The following KIAA2012 variants were observed in gnomAD, a reference collection of about 807,000 sequenced individuals.
KIAA2012 encodes KIAA2012, also known as uncharacterized protein KIAA2012.
Under a neutral mutation model 150.6 loss-of-function variants are expected in KIAA2012, and 125 were observed. The observed-to-expected ratio is 0.83, with a 90% CI of 0.72 to 0.96. The LOEUF is 0.96. KIAA2012 is among the 40% of genes least tolerant of loss of function. KIAA2012 has a pLI of 0.00. For synonymous variants in KIAA2012, 462 were observed against 504.7 expected, an observed-to-expected ratio of 0.92 and a Z score of 1.13; for missense variants, 1,219 against 1,354.9, an observed-to-expected ratio of 0.90 and a Z score of 1.57.
intron 12 of KIAA2012, 89 bp from the exon 13 acceptor site, chr2:202,138,343 G>GGTAT (rs1553557809): frequency 5.8e-5 from 44 of 762,638 alleles, no homozygotes; most frequent in Admixed American, 1.5e-4. Context: ...ATATGAACTA[G>GGTAT]GTGTGTGTGT....
At chr2:202,113,211 C>T in intron 10 of KIAA2012, 125 bp from the exon 11 acceptor site, 1 of 656,388 alleles carries the variant, frequency 1.5e-6, no homozygotes, top group Non-Finnish European at 2.6e-6. Context: ...CTCTGGTGGG[C>T]ACCCAAGCAC....
At chr2:202,147,312 T>C (rs1164568746) in intron 13 of KIAA2012, among the ~76,000 whole-genome samples, 2 of 152,200 alleles carry the variant, frequency 1.3e-5, no homozygotes, top group East Asian at 1.9e-4. Context: ...TGAAAGTTTC[T>C]TAATTGCTTT....
At chr2:202,087,104 A>T (rs2105912811) in intron 2 of KIAA2012, among the ~76,000 whole-genome samples, 1 of 152,256 alleles carries the variant, frequency 6.6e-6, no homozygotes, top group Middle Eastern at 3.4e-3. Context: ...AACCATGACC[A>T]TTTGTTTACA....
intron 2 of KIAA2012, among the ~76,000 whole-genome samples, chr2:202,077,510 C>A (rs1042328180): frequency 6.6e-6 from 1 of 152,132 alleles, no homozygotes; most frequent in African/African-American, 2.4e-5. Flanking sequence ...TAGCTCATAT[C>A]TGTACAAAAC....
intron 13 of KIAA2012, among the ~76,000 whole-genome samples, chr2:202,153,541 C>G (rs780406895): frequency 3.0e-4 from 45 of 152,206 alleles, no homozygotes; most frequent in Non-Finnish European, 5.3e-4. Context: ...GAGCTTTGCT[C>G]AGTCATTGCT....
At chr2:202,139,070 G>A (rs1283158160) in intron 13 of KIAA2012, among the ~76,000 whole-genome samples, 2 of 151,740 alleles carry the variant, frequency 1.3e-5, no homozygotes, top group South Asian at 2.1e-4. Flanking sequence ...AACCAACCCC[G>A]TGTCTACTAA....
chr2:202,154,082 G>T (rs1011867709), intron 13 of KIAA2012, among the ~76,000 whole-genome samples: 12 of 152,208 alleles, frequency 7.9e-5, no homozygotes, highest in African/African-American at 2.9e-4. Flanking sequence ...AGCCCCCGGG[G>T]CCTCCCAGAC....
intron 14 of KIAA2012, among the ~76,000 whole-genome samples, chr2:202,163,285 G>A (rs1334116576): frequency 6.6e-6 from 1 of 151,610 alleles, no homozygotes; most frequent in Non-Finnish European, 1.5e-5. Context: ...TGTATTTTTA[G>A]TAGATACAGG....
rs571686717 is a variant in KIAA2012, at chr2:202,125,935, C to CTT, written c.1831+688_1831+689dup. The CTT allele has an allele frequency of 6.0e-4, 83 of 137,780 alleles. 11 individuals are homozygous for CTT. The highest frequency in any genetic ancestry group is 7.5e-4 in the Non-Finnish European group (59 of 78,968). The allele number at this position is 137,780 out of a possible 1,614,324, so 8.5% of individuals were successfully genotyped here. On this transcript the variant is annotated intron_variant, in intron 12 of 23. Coordinates refer to ENST00000498697, the MANE Select transcript of KIAA2012 (RefSeq NM_001277372.4). ...GAAATGTGAGTGGTGTTCCTGGCTG[C>CTT]TTTTTTTTTTTTTTTTTTTTTTTTT...
intron 12 of KIAA2012, among the ~76,000 whole-genome samples, chr2:202,127,203 A>G (rs1307946751): frequency 6.6e-6 from 1 of 152,234 alleles, no homozygotes; most frequent in Non-Finnish European, 1.5e-5. Flanking sequence ...TCTGCAAACC[A>G]AAATATTCTT....
intron 11 of KIAA2012, among the ~76,000 whole-genome samples, chr2:202,124,512 G>C (rs371732374): frequency 1.3e-5 from 2 of 152,122 alleles, no homozygotes; most frequent in Non-Finnish European, 2.9e-5. Flanking sequence ...GGAGAGGGGG[G>C]CTTTTTGTGC....
chr2:202,112,846 A>G (rs960186073), intron 10 of KIAA2012, among the ~76,000 whole-genome samples: 1 of 152,188 alleles, frequency 6.6e-6, no homozygotes, highest in Non-Finnish European at 1.5e-5. Context: ...AGCATCCTTC[A>G]TCTTGACCTG....
intron 13 of KIAA2012, among the ~76,000 whole-genome samples, chr2:202,142,365 AT>A (rs1428381755): frequency 6.6e-6 from 1 of 152,246 alleles, no homozygotes; most frequent in African/African-American, 2.4e-5. Context: ...ACTTCCGGGA[AT>A]TTATCCTAAG....
At chr2:202,156,247 G>A (rs913959709) in intron 14 of KIAA2012, among the ~76,000 whole-genome samples, 3 of 151,954 alleles carry the variant, frequency 2.0e-5, no homozygotes, top group African/African-American at 4.8e-5. Context: ...GATTCTGGAC[G>A]TCAAAAGAAA....
At chr2:202,177,024 T>C (rs1692004865) in intron 15 of KIAA2012, among the ~76,000 whole-genome samples, 2 of 152,108 alleles carry the variant, frequency 1.3e-5, no homozygotes, top group Non-Finnish European at 2.9e-5. Context: ...TCATAAACAA[T>C]TGGAAATAAT....
chr2:202,125,179 C>T (rs1559212907), intron 11 of KIAA2012, 35 bp from the exon 12 acceptor site: 5 of 1,508,362 alleles, frequency 3.3e-6, no homozygotes, highest in Non-Finnish European at 4.5e-6. Context: ...AAGACTTTTT[C>T]CCGCTCTCAG....
Position 202,103,070 on chromosome 2 carries a change from A to AT in KIAA2012, c.1282dup (p.Tyr428LeufsTer20). 1 of 1,550,616 alleles carries AT rather than the reference A, an allele frequency of 6.4e-7. No homozygotes were observed. The highest frequency in any genetic ancestry group is 1.4e-5 in the African/African-American group (1 of 73,148). Reference sequence around the variant, plus strand: ...CTCTTCATCTTACCGGTGGAGATTCATTACCACACCAAACAACCCCCAAAA... The same window carrying AT: ...CTCTTCATCTTACCGGTGGAGATTCATTTACCACACCAAACAACCCCCAAAA... On this transcript the variant is annotated frameshift_variant, in exon 8 of 24. Transcript: ENST00000498697. LOFTEE classifies it high-confidence loss of function.
chr2:202,171,112 T>TACACACACACAC lies in KIAA2012; in HGVS notation c.2119+5774_2119+5785dup, dbSNP rs10532176. 6.7e-3 allele frequency among the ~76,000 whole-genome samples: 998 copies of TACACACACACAC among 149,810 alleles called. 18 individuals are homozygous for TACACACACACAC. The highest frequency in any genetic ancestry group is 0.024 in the African/African-American group (960 of 40,462). On this transcript the variant is annotated intron_variant, in intron 15 of 23. Coordinates refer to ENST00000498697, the MANE Select transcript of KIAA2012 (RefSeq NM_001277372.4). ...GGGAAATAGAGATTTAAAGAAATAC[T>TACACACACACAC]ACACACACACACACACACACACACA...
chr2:202,096,126 T>A (rs932874077), intron 4 of KIAA2012, among the ~76,000 whole-genome samples: 1 of 152,082 alleles, frequency 6.6e-6, no homozygotes, highest in Non-Finnish European at 1.5e-5. Flanking sequence ...TTAGTAAGTT[T>A]CACTTCCTCC....
Sources: gnomAD v4.1 joint callset for allele counts (sites outside exome capture counted in the v4.1 genomes callset) on GRCh38, gnomAD v4.1.1 for gene constraint, MANE v1.5 for transcripts, NCBI Gene and HGNC (gene_info 2026-07-23, HGNC 2026-07-21) for gene names.